CELSR3: variants seen among roughly 807,000 people sequenced by gnomAD.
CELSR3 encodes EGF-like protein 1.
A neutral mutation model predicts 270.0 loss-of-function variants in CELSR3; 73 were observed. The observed-to-expected ratio is 0.27, with a 90% CI of 0.22 to 0.33. CELSR3 has a LOEUF of 0.33. Ranked by LOEUF, CELSR3 falls within the 10% of genes least tolerant of loss-of-function variation. CELSR3 has a pLI of 1.00. For missense variants in CELSR3, 3,614 were observed against 4,533.8 expected (o/e 0.80, Z 5.83); for synonymous variants, 1,780 against 1,905.4 (o/e 0.93, Z 1.71).
Position 48,659,803 on chromosome 3 carries a change from A to G in CELSR3, c.2832T>C (p.Thr944=). Residue 944 remains threonine, a synonymous_variant, in exon 1 of 35, where the codon ACT becomes ACC. Transcript: ENST00000164024. This position sits in a 1 kb window ranked among gnomAD's most constrained non-coding sequence, Gnocchi z 8.1. Reference sequence around the variant, plus strand: ...CATTGACCATCACCTCCACATAAGTAGTGTCTGCCTTCTGTGGGATGCCAT... The same window carrying G: ...CATTGACCATCACCTCCACATAAGTGGTGTCTGCCTTCTGTGGGATGCCAT... The part of the protein sequence containing the change: ...RDNGIPQKAD[T]TYVEVMVNDV... 6.2e-7 allele frequency: 1 copy of G among 1,614,222 alleles called. No individual in the cohort carries two copies.
rs1272838895 is a variant in CELSR3, at chr3:48,654,678, C to T, written c.4989-226G>A. On this transcript the variant is annotated intron_variant, in intron 6 of 34. Transcript: ENST00000164024. The surrounding 1 kb of genome is among the most constrained non-coding windows in gnomAD (Gnocchi z 5.4). Reference sequence around the variant, plus strand: ...AAGGTAGGTGAATGGGGGTTGAGAGCTATGATGAAAGAATGAGGCATCTGG... The same window carrying T: ...AAGGTAGGTGAATGGGGGTTGAGAGTTATGATGAAAGAATGAGGCATCTGG... Among the ~76,000 whole-genome samples, 3 of 151,806 alleles carry T rather than the reference C, an allele frequency of 2.0e-5. No individual in the cohort carries two copies. Among genetic ancestry groups the T allele is most frequent in the African/African-American group, 7.3e-5 (3 of 41,294 alleles).
chr3:48,643,940 AAC>A, intron 27 of CELSR3: 1 of 591,326 alleles, frequency 1.7e-6, no homozygotes, highest in Non-Finnish European at 3.0e-6. Flanking sequence ...GACAGGTGGG[AAC>A]ACACAGGGCA....
Position 48,662,711 on chromosome 3 carries a change from C to A in CELSR3, c.-77G>T. Reference sequence around the variant, plus strand: ...GGGCTGGCCCCGCCGCTCGGGCCCCCTCCCGGGCCCCTGCCGCCGCCCCGG... The same window carrying A: ...GGGCTGGCCCCGCCGCTCGGGCCCCATCCCGGGCCCCTGCCGCCGCCCCGG... On this transcript the variant is annotated 5_prime_UTR_variant, in exon 1 of 35. The change creates a new upstream start codon in the 5' untranslated region. Transcript: ENST00000164024. This position sits in a 1 kb window ranked among gnomAD's most constrained non-coding sequence, Gnocchi z 7.1. 4 of 592,906 alleles carry A rather than the reference C, an allele frequency of 6.7e-6. No individual in the cohort carries two copies. The highest frequency in any genetic ancestry group is 9.8e-6 in the Non-Finnish European group (4 of 406,716). 36.7% of individuals were successfully genotyped at this position (592,906 alleles called of 1,614,324 possible).
chr3:48,643,283 C>T (rs747222559), intron 28 of CELSR3, 200 bp from the exon 29 acceptor site: 11 of 622,138 alleles, frequency 1.8e-5, no homozygotes, highest in Admixed American at 5.9e-5. Flanking sequence ...TCTGTAAGGT[C>T]GGTGTGGATC....
intron 27 of CELSR3, 134 bp from the exon 28 acceptor site, chr3:48,643,811 C>G (rs571410711): frequency 9.7e-7 from 1 of 1,034,624 alleles, no homozygotes; most frequent in African/African-American, 1.6e-5. Context: ...ACATGGAGGT[C>G]TCTGGAGGAC....
Position 48,662,360 on chromosome 3 carries a change from C to T in CELSR3, c.275G>A (p.Arg92Lys). The change falls in exon 1 of 35, where the codon AGG becomes AAG. Residue 92 changes from arginine to lysine, a missense_variant. Physicochemically the swap from Arg to Lys is conservative, Grantham distance 26. This residue lies in a region of CELSR3 where 470 missense variants were observed against 469.7 expected (regional missense o/e 1.00). Coordinates refer to ENST00000164024, the MANE Select transcript of CELSR3 (RefSeq NM_001407.3). The surrounding 1 kb of genome is among the most constrained non-coding windows in gnomAD (Gnocchi z 7.1). The part of the protein sequence containing the change: ...EPIFVGLRGR[R>K]QSARNSRGPP... ...CCCTCGACTATTCCGGGCGCTTTGC[C>T]TTCTCCCTCGGAGCCCCACGAAGAT... 1 of 1,613,052 alleles carries T rather than the reference C, an allele frequency of 6.2e-7. No individual in the cohort carries two copies. Among genetic ancestry groups the T allele is most frequent in the Non-Finnish European group, 8.5e-7 (1 of 1,180,010 alleles).
At position 48,648,891 on chromosome 3, in the gene CELSR3, G is replaced by A. The variant is rs1378127692; in HGVS notation, c.6605C>T (p.Thr2202Ile). The change falls in exon 18 of 35, where the codon ACC (threonine) becomes ATC (isoleucine). Residue 2202 changes from threonine (T) to isoleucine (I), a missense_variant. Thr to Ile is a moderately conservative substitution (Grantham distance 89). Transcript: ENST00000164024. ...CTGAGCCAGCTTCTTGGCCTCCATG[G>A]TATCCAGTGCCGTCTTGTTCAGCTC... ...GLELNKTALD[T>I]MEAKKLAQRL... 6.2e-7 allele frequency: 1 copy of A among 1,612,746 alleles called. No individual in the cohort carries two copies. The highest frequency in any genetic ancestry group is 8.5e-7 in the Non-Finnish European group (1 of 1,180,014).
intron 2 of CELSR3, 86 bp from the exon 3 acceptor site, chr3:48,656,451 G>C: frequency 7.8e-7 from 1 of 1,276,426 alleles, no homozygotes; most frequent in Non-Finnish European, 1.0e-6. Flanking sequence ...CCAGAGGCCG[G>C]GTGCCAAGAC....
Position 48,650,433 on chromosome 3 carries a change from A to AGGGGGGGGGGGGGGC in CELSR3, c.6472+46_6472+47insGCCCCCCCCCCCCCC. On this transcript the variant is annotated intron_variant, in intron 16 of 34. Coordinates refer to ENST00000164024, the MANE Select transcript of CELSR3 (RefSeq NM_001407.3). This position sits in a 1 kb window ranked among gnomAD's most constrained non-coding sequence, Gnocchi z 5.1. ...GACATGGCTCTAGCAGTCAGAGTAC[A>AGGGGGGGGGGGGGGC]GGCCCACCCCCACCCTCAGTGATGT... The AGGGGGGGGGGGGGGC allele has an allele frequency of 2.2e-6, 2 of 927,818 alleles. No homozygotes were observed. Among genetic ancestry groups the AGGGGGGGGGGGGGGC allele is most frequent in the Non-Finnish European group, 3.3e-6 (2 of 598,394 alleles). 57.5% of individuals were successfully genotyped at this position (927,818 alleles called of 1,614,324 possible).
chr3:48,642,794 T>G lies in CELSR3; in HGVS notation c.8497A>C (p.Ser2833Arg). 2.5e-6 allele frequency: 4 copies of G among 1,613,006 alleles called. No homozygotes were observed. Among genetic ancestry groups the G allele is most frequent in the Non-Finnish European group, 3.4e-6 (4 of 1,179,960 alleles). Reference protein sequence around the residue: ...LGASTVSSVSSARSGRTQDQD... With the variant: ...LGASTVSSVSRARSGRTQDQD... ...TCCTGGGTCCGGCCGGAGCGGGCAC[T>G]GCTCACAGAGGAGACGGTGGAGGCG... Residue 2833 changes from serine (S) to arginine (R), a missense_variant, in exon 30 of 35, where the codon AGT (serine) becomes CGT (arginine). By Grantham distance (110) the Ser-to-Arg change is moderately radical (BLOSUM62 -1). This residue lies in a region of CELSR3 where 1,240 missense variants were observed against 1,351.7 expected (regional missense o/e 0.92). Coordinates refer to ENST00000164024, the MANE Select transcript of CELSR3 (RefSeq NM_001407.3). This position sits in a 1 kb window ranked among gnomAD's most constrained non-coding sequence, Gnocchi z 6.1.
At position 48,644,932 on chromosome 3, in the gene CELSR3, A is replaced by G. The variant is rs530359555; in HGVS notation, c.7972+103T>C. The G allele has an allele frequency of 3.4e-5, 52 of 1,512,524 alleles. 1 individual carries two copies. The Middle Eastern group carries it at 5.2e-4, about 15-fold the overall frequency. The allele number at this position is 1,512,524 out of a possible 1,614,324, so 93.7% of individuals were successfully genotyped here. On this transcript the variant is annotated intron_variant, in intron 25 of 34. Transcript: ENST00000164024. This position sits in a 1 kb window ranked among gnomAD's most constrained non-coding sequence, Gnocchi z 4.8. ...TGAGGGCAGAGCAGCAACCCCATGA[A>G]TAGATGGCTTGGGGTTTGAGGTTGG...
rs2047051214 is a variant in CELSR3, at chr3:48,643,693, G to A, written c.8166-16C>T. On this transcript the variant is annotated splice_polypyrimidine_tract_variant and intron_variant, in intron 27 of 34. Coordinates refer to ENST00000164024, the MANE Select transcript of CELSR3 (RefSeq NM_001407.3). ...GCGAAGGGTCCTGCTGTGGGGACAT[G>A]GGAAGACACAGGAGGACATGCAAGG... The A allele has an allele frequency of 6.4e-7, 1 of 1,551,840 alleles. No individual in the cohort carries two copies. The highest frequency in any genetic ancestry group is 1.7e-4 in the Middle Eastern group (1 of 5,990).
Position 48,658,791 on chromosome 3 carries a change from C to T in CELSR3, c.3748+96G>A. 1 of 1,476,408 alleles carries T rather than the reference C, an allele frequency of 6.8e-7. No individual in the cohort carries two copies. Among genetic ancestry groups the T allele is most frequent in the South Asian group, 1.3e-5 (1 of 76,642 alleles). The allele number at this position is 1,476,408 out of a possible 1,614,324, so 91.5% of individuals were successfully genotyped here. ...CTACCCTTAAGGGGTTCTTGGAAGG[C>T]TTAGAAATCCCTCTTTGGTTTGAGG... On this transcript the variant is annotated intron_variant, in intron 1 of 34. Transcript: ENST00000164024. The surrounding 1 kb of genome is among the most constrained non-coding windows in gnomAD (Gnocchi z 4.7).
Position 48,644,719 on chromosome 3 carries a change from T to G in CELSR3, c.8082A>C (p.Ile2694=), listed in dbSNP as rs1381687936. The G allele has an allele frequency of 6.2e-7, 1 of 1,611,808 alleles. No individual in the cohort carries two copies. The highest frequency in any genetic ancestry group is 8.5e-7 in the Non-Finnish European group (1 of 1,178,628). Residue 2694 remains isoleucine, a synonymous_variant, in exon 26 of 35, where the codon ATA becomes ATC. Coordinates refer to ENST00000164024, the MANE Select transcript of CELSR3 (RefSeq NM_001407.3). This position sits in a 1 kb window ranked among gnomAD's most constrained non-coding sequence, Gnocchi z 4.8. ...GCACCAAGTCCAGGGCACTCACCAC[T>G]ATGACCAGGACAACAGGGCCAGCAA... ...WSFAGPVVLV[I]VMNGTMFLLA...
At position 48,651,721 on chromosome 3, in the gene CELSR3, G is replaced by T. The variant is rs1490674596; in HGVS notation, c.5924-3C>A. 6.5e-7 allele frequency: 1 copy of T among 1,540,180 alleles called. No individual in the cohort carries two copies. Among genetic ancestry groups the T allele is most frequent in the Non-Finnish European group, 8.7e-7 (1 of 1,146,492 alleles). Reference sequence around the variant, plus strand: ...CACACAGCCTGGGCCGTAGTAACCTGCAGATTGGGTCAGAAAGCTCAGGAT... The same window carrying T: ...CACACAGCCTGGGCCGTAGTAACCTTCAGATTGGGTCAGAAAGCTCAGGAT... On this transcript the variant is annotated splice_region_variant and splice_polypyrimidine_tract_variant and intron_variant, in intron 12 of 34. Transcript: ENST00000164024. This position sits in a 1 kb window ranked among gnomAD's most constrained non-coding sequence, Gnocchi z 7.4.
In CELSR3 at chr3:48,644,171, AC is replaced by A. The variant is rs1281511509; in HGVS notation, c.8165+44del. ...GGGCCCCAGACCCCACCCAGGAGGGACCTGCCATCCTGAGAAGCCCCCTTCC... is the reference window on the plus strand; with the variant it reads ...GGGCCCCAGACCCCACCCAGGAGGGACTGCCATCCTGAGAAGCCCCCTTCC... On this transcript the variant is annotated intron_variant, in intron 27 of 34. Transcript: ENST00000164024. This position sits in a 1 kb window ranked among gnomAD's most constrained non-coding sequence, Gnocchi z 4.8. 5 of 1,554,118 alleles carry A rather than the reference AC, an allele frequency of 3.2e-6. No individual in the cohort carries two copies. Among genetic ancestry groups the A allele is most frequent in the Non-Finnish European group, 4.4e-6 (5 of 1,129,440 alleles).
At position 48,655,150 on chromosome 3, in the gene CELSR3, C is replaced by A; in HGVS notation, c.4882G>T (p.Ala1628Ser). ...GAQGPSKDKVAVLSVDDCDVA... is the reference protein window; with the variant it reads ...GAQGPSKDKVSVLSVDDCDVA... ...TCACAATCATCCACGCTTAGCACAG[C>A]CACCTTGTCCTTGGAGGGGCCCTGT... Residue 1628 changes from alanine to serine, a missense_variant, in exon 6 of 35, where the codon GCT becomes TCT. Transcript: ENST00000164024. This position sits in a 1 kb window ranked among gnomAD's most constrained non-coding sequence, Gnocchi z 5.8. The A allele has an allele frequency of 6.2e-7, 1 of 1,613,988 alleles. No homozygotes were observed. The highest frequency in any genetic ancestry group is 1.1e-5 in the South Asian group (1 of 91,086).
Position 48,640,362 on chromosome 3 carries a change from G to A in CELSR3, c.9223C>T (p.Leu3075Phe). Residue 3075 changes from leucine (L) to phenylalanine (F), a missense_variant, in exon 34 of 35, where the codon CTC (leucine) becomes TTC (phenylalanine). Transcript: ENST00000164024. The surrounding 1 kb of genome is among the most constrained non-coding windows in gnomAD (Gnocchi z 7.5). ...TCACGGCTCAGTTGCCGCCGGAGGAGCAGGTCCAGCTGTTCTCTAGAAGAG... is the reference window on the plus strand; with the variant it reads ...TCACGGCTCAGTTGCCGCCGGAGGAACAGGTCCAGCTGTTCTCTAGAAGAG... ...RYSSREQLDL[L>F]LRRQLSRERL... The A allele has an allele frequency of 1.2e-6, 2 of 1,612,684 alleles. No individual in the cohort carries two copies. Among genetic ancestry groups the A allele is most frequent in the South Asian group, 1.1e-5 (1 of 91,068 alleles).
rs754532185 is a variant in CELSR3 at position 48,645,775 on chromosome 3, G to T, written c.7557C>A (p.Thr2519=). 3.7e-6 allele frequency: 6 copies of T among 1,611,704 alleles called. No individual in the cohort carries two copies. The highest frequency in any genetic ancestry group is 3.3e-5 in the Admixed American group (2 of 59,984). Residue 2519 remains threonine (T), a synonymous_variant, in exon 23 of 35, where the codon ACC becomes ACA. Coordinates refer to ENST00000164024, the MANE Select transcript of CELSR3 (RefSeq NM_001407.3). The surrounding 1 kb of genome is among the most constrained non-coding windows in gnomAD (Gnocchi z 5.4). ...GAGAGGCATCCATGAGGACCCCAAA[G>T]GTCCCTGTCCGGCTGCAGCGACACC... is the stretch of plus-strand genomic sequence containing the variant. ...HARCRCSRTG[T]FGVLMDASPR...
Sources: gnomAD v4.1 joint callset for allele counts (sites outside exome capture counted in the v4.1 genomes callset) on GRCh38, gnomAD v4.1.1 for gene constraint, gnomAD v4.1.1 regional missense constraint, Gnocchi (gnomAD v3.1) non-coding constraint, MANE v1.5 for transcripts, NCBI Gene and HGNC (gene_info 2026-07-23, HGNC 2026-07-21) for gene names.